Variants in SVEP1 observed in about 807,000 individuals in gnomAD.
The protein encoded by SVEP1 is sushi, von Willebrand factor type A, EGF and pentraxin domain-containing protein 1.
A neutral mutation model predicts 367.3 loss-of-function variants in SVEP1; 164 were observed. That is an observed-to-expected ratio of 0.45 (90% CI 0.39 to 0.51). The LOEUF (loss-of-function observed/expected upper bound fraction) is 0.51, where lower values mean the gene tolerates loss of function less well. Ranked by LOEUF, SVEP1 falls within the 20% of genes least tolerant of loss-of-function variation. SVEP1 has a pLI of 0.00. For synonymous variants in SVEP1, 1,666 were observed against 1,611.6 expected (o/e 1.03, Z -0.81); for missense variants, 4,117 against 4,425.3 (o/e 0.93, Z 1.98).
chr9:110,398,534 C>T (rs1372823265), intron 40 of SVEP1, among the ~76,000 whole-genome samples: 2 of 152,014 alleles, frequency 1.3e-5, no homozygotes, highest in Non-Finnish European at 2.9e-5. Context: ...GCAAAAGAAA[C>T]TATCATTAGA....
intron 17 of SVEP1, 140 bp from the exon 18 acceptor site, chr9:110,466,166 A>G: frequency 1.2e-6 from 1 of 833,424 alleles, no homozygotes; most frequent in South Asian, 2.2e-5. Flanking sequence ...TTCTCCTGTT[A>G]GCTAAGCATA....
At chr9:110,466,087 T>C (rs1348667582) in intron 17 of SVEP1, 61 bp from the exon 18 acceptor site, 3 of 1,511,566 alleles carry the variant, frequency 2.0e-6, no homozygotes, top group South Asian at 1.3e-5. Context: ...AAATTAGTAC[T>C]GTGCGGGATA....
At chr9:110,397,432 A>T (rs1827781659) in intron 40 of SVEP1, among the ~76,000 whole-genome samples, 1 of 152,158 alleles carries the variant, frequency 6.6e-6, no homozygotes, top group Non-Finnish European at 1.5e-5. Context: ...GAAAACTGGC[A>T]TAAGACAGGG....
intron 14 of SVEP1, among the ~76,000 whole-genome samples, chr9:110,474,459 C>T (rs907577642): frequency 9.2e-5 from 14 of 152,114 alleles, no homozygotes; most frequent in Admixed American, 8.5e-4. Context: ...GGGAGCAATG[C>T]TTGTTTTTAG....
At chr9:110,569,686 GAATT>G (rs1830531843) in intron 1 of SVEP1, among the ~76,000 whole-genome samples, 1 of 151,978 alleles carries the variant, frequency 6.6e-6, no homozygotes, top group Admixed American at 6.6e-5. Context: ...TTATCTTGTG[GAATT>G]AAATTTTTCC....
intron 40 of SVEP1, among the ~76,000 whole-genome samples, chr9:110,395,416 C>G (rs996507170): frequency 2.0e-5 from 3 of 152,124 alleles, no homozygotes; most frequent in African/African-American, 7.2e-5. Context: ...TTGTAAAGAC[C>G]ATCAAGGCTA....
rs375404237 is a variant in SVEP1 at position 110,411,426 on chromosome 9, T to G, written c.6285A>C (p.Glu2095Asp). 1 of 1,614,026 alleles carries G rather than the reference T, an allele frequency of 6.2e-7. No homozygotes were observed. The highest frequency in any genetic ancestry group is 2.2e-5 in the East Asian group (1 of 44,894). The change falls in exon 37 of 48, where the codon GAA becomes GAC. Residue 2095 changes from glutamate to aspartate, a missense_variant. Physicochemically the swap from Glu to Asp is conservative, Grantham distance 45. Around this residue, in one of 4 missense-constraint regions of SVEP1, gnomAD observed 2,174 missense variants for 2,494.3 expected, o/e 0.87. Coordinates refer to ENST00000374469, the MANE Select transcript of SVEP1 (RefSeq NM_153366.4). ...KPPSVSYSIL[E>D]SVSKAKFAAG... is the part of the protein sequence containing the mutation. ...CTGCAAATTTTGCTTTGCTCACAGA[T>G]TCCAAGATGCTATAGGAAACCGATG...
rs766928045 is a variant in SVEP1 at position 110,411,287 on chromosome 9, T to G, written c.6424A>C (p.Ile2142Leu). Residue 2142 changes from isoleucine (I) to leucine (L), a missense_variant, in exon 37 of 48, where the codon ATC becomes CTC. Transcript: ENST00000374469. ...GGTGGCTCTCCACACCGCACAGGGA[T>G]GCACTGGATGGACATGGGGGAAGGG... ...WNPSPMSIQC[I>L]PVRCGEPPSI... 6.2e-7 allele frequency: 1 copy of G among 1,614,042 alleles called. No homozygotes were observed. The highest frequency in any genetic ancestry group is 8.5e-7 in the Non-Finnish European group (1 of 1,179,898).
At chr9:110,466,572 A>C (rs930296928) in intron 17 of SVEP1, among the ~76,000 whole-genome samples, 14 of 151,262 alleles carry the variant, frequency 9.3e-5, no homozygotes, top group Non-Finnish European at 1.5e-4. Context: ...TCCCGGCTAA[A>C]ACGGTGAAAC....
intron 3 of SVEP1, among the ~76,000 whole-genome samples, chr9:110,518,633 G>A (rs147154258): frequency 5.2e-4 from 79 of 152,030 alleles, no homozygotes; most frequent in Admixed American, 8.5e-4. Flanking sequence ...CATGGTTATC[G>A]GCTCTCTGAC....
At chr9:110,538,785 T>A (rs1434397298) in intron 3 of SVEP1, among the ~76,000 whole-genome samples, 2 of 152,078 alleles carry the variant, frequency 1.3e-5, no homozygotes, top group Non-Finnish European at 2.9e-5. Flanking sequence ...CTATACTTTG[T>A]GTCTCTCAAA....
At chr9:110,498,200 C>T (rs1208375799) in intron 7 of SVEP1, among the ~76,000 whole-genome samples, 1 of 152,176 alleles carries the variant, frequency 6.6e-6, no homozygotes, top group East Asian at 1.9e-4. Context: ...TCCATTAACT[C>T]TGCAACTCAG....
intron 35 of SVEP1, 37 bp from the exon 36 acceptor site, chr9:110,427,795 T>C (rs1393215549): frequency 9.5e-6 from 15 of 1,585,684 alleles, no homozygotes; most frequent in Non-Finnish European, 1.2e-5. Context: ...TCATTGGCTA[T>C]GGATTTGCTG....
chr9:110,492,926 T>C (rs2118732461), intron 8 of SVEP1, among the ~76,000 whole-genome samples: 1 of 152,242 alleles, frequency 6.6e-6, no homozygotes, highest in East Asian at 1.9e-4. Context: ...GACAGGTGGC[T>C]GCATCTCTCC....
intron 42 of SVEP1, among the ~76,000 whole-genome samples, chr9:110,387,075 T>TGGAATCTGACAAAAGCTGATTC (rs1243673333): frequency 2.2e-4 from 33 of 152,228 alleles, no homozygotes; most frequent in African/African-American, 7.2e-4. Flanking sequence ...TAATCACTCA[T>TGGAATCTGACAAAAGCTGATTC]GGAATCTGAC....
chr9:110,536,766 A>C (rs1258379406), intron 3 of SVEP1, among the ~76,000 whole-genome samples: 1 of 151,950 alleles, frequency 6.6e-6, no homozygotes, highest in Non-Finnish European at 1.5e-5. Flanking sequence ...TTACATATGT[A>C]TACATGTGCC....
chr9:110,529,887 CAGTACTA>C (rs1438451845), intron 3 of SVEP1, among the ~76,000 whole-genome samples: 1 of 152,048 alleles, frequency 6.6e-6, no homozygotes, highest in African/African-American at 2.4e-5. Flanking sequence ...CGAGGACTTC[CAGTACTA>C]TGCTGAATAA....
At chr9:110,483,523 G>T in intron 10 of SVEP1, 63 bp downstream of exon 10, 5 of 1,189,484 alleles carry the variant, frequency 4.2e-6, no homozygotes, top group Non-Finnish European at 5.8e-6. Flanking sequence ...CCATTAAAAA[G>T]CTTTTTAAAA....
chr9:110,559,891 A>C (rs1830403616), intron 1 of SVEP1, among the ~76,000 whole-genome samples: 1 of 152,166 alleles, frequency 6.6e-6, no homozygotes. Flanking sequence ...ATTGAACACT[A>C]TTAAATTTAA....
Sources: gnomAD v4.1 joint callset for allele counts (sites outside exome capture counted in the v4.1 genomes callset) on GRCh38, gnomAD v4.1.1 for gene constraint, gnomAD v4.1.1 regional missense constraint, MANE v1.5 for transcripts, NCBI Gene and HGNC (gene_info 2026-07-23, HGNC 2026-07-21) for gene names.